NAA15: variants seen among roughly 807,000 people sequenced by gnomAD.
NAA15 encodes the protein N-alpha-acetyltransferase 15, NatA auxiliary subunit, also known as N-terminal acetyltransferase.
A neutral mutation model predicts 114.0 loss-of-function variants in NAA15; 34 were observed. The ratio of observed to expected loss-of-function variants is 0.30; its 90% CI spans 0.23 to 0.40. The LOEUF is 0.40. Ranked by LOEUF, NAA15 falls within the 10% of genes least tolerant of loss-of-function variation. NAA15 has a pLI of 1.00. For synonymous variants in NAA15, 340 were observed against 338.0 expected (o/e 1.01, Z -0.06); for missense variants, 658 against 1,004.5 (o/e 0.66, Z 4.66).
intron 2 of NAA15, among the ~76,000 whole-genome samples, chr4:139,336,591 A>AT (rs1309142486): frequency 1.3e-5 from 2 of 152,052 alleles, no homozygotes; most frequent in Non-Finnish European, 2.9e-5. Flanking sequence ...AATAGCATGC[A>AT]TTTTGTATCT....
chr4:139,352,395 C>T (rs1560970429), intron 9 of NAA15, among the ~76,000 whole-genome samples: 1 of 152,018 alleles, frequency 6.6e-6, no homozygotes, highest in East Asian at 1.9e-4. Flanking sequence ...AAGCGTGAGC[C>T]ACCGTGCCTG....
intron 1 of NAA15, among the ~76,000 whole-genome samples, chr4:139,323,257 A>G (rs1221864064): frequency 1.3e-5 from 2 of 148,920 alleles, no homozygotes; most frequent in African/African-American, 4.9e-5. Context: ...TGGTTTCACT[A>G]TGTTGGCCAG....
chr4:139,374,475 C>T (rs1027877102), intron 15 of NAA15, among the ~76,000 whole-genome samples: 3 of 152,114 alleles, frequency 2.0e-5, no homozygotes, highest in African/African-American at 7.2e-5. Flanking sequence ...TTGGTGTGAA[C>T]ATCTTGCTGT....
chr4:139,313,681 G>C (rs1227595231), intron 1 of NAA15, among the ~76,000 whole-genome samples: 1 of 151,388 alleles, frequency 6.6e-6, no homozygotes, highest in Non-Finnish European at 1.5e-5. Context: ...AGTAGCTGGG[G>C]TTACAGGCAT....
intron 9 of NAA15, 114 bp from the exon 10 acceptor site, chr4:139,353,912 G>A: frequency 1.4e-6 from 1 of 717,444 alleles, no homozygotes; most frequent in South Asian, 1.9e-5. Context: ...AATAAAGGAG[G>A]GTGTGTGTGT....
At chr4:139,320,603 C>T (rs1055324618) in intron 1 of NAA15, among the ~76,000 whole-genome samples, 2 of 152,140 alleles carry the variant, frequency 1.3e-5, no homozygotes, top group Admixed American at 6.6e-5. Flanking sequence ...TCACTGCAAC[C>T]TCCATCTCCT....
chr4:139,350,652 A>T (rs6856276), intron 7 of NAA15, among the ~76,000 whole-genome samples: 81,883 of 152,060 alleles, frequency 0.54, 24,342 homozygotes, highest in African/African-American at 0.81. Flanking sequence ...TCTCAGACTG[A>T]TTTAGGAACA....
intron 1 of NAA15, chr4:139,302,127 A>T (rs1220278255): frequency 2.9e-6 from 1 of 349,288 alleles, no homozygotes; most frequent in Non-Finnish European, 5.2e-6. Flanking sequence ...TCTGGGGGAG[A>T]AGAGGCCCGG....
intron 1 of NAA15, among the ~76,000 whole-genome samples, chr4:139,312,460 GT>G (rs1232497928): frequency 1.3e-5 from 2 of 151,814 alleles, no homozygotes; most frequent in African/African-American, 2.4e-5. Context: ...GTTGCCTGTG[GT>G]TTTTTTCCTC....
chr4:139,374,256 G>A (rs1385851308), intron 15 of NAA15, among the ~76,000 whole-genome samples: 2 of 152,204 alleles, frequency 1.3e-5, no homozygotes, highest in Non-Finnish European at 2.9e-5. Flanking sequence ...CCCATTAAGT[G>A]CAGTGCAGTC....
At chr4:139,327,510 T>A (rs955632179) in intron 1 of NAA15, among the ~76,000 whole-genome samples, 1 of 152,208 alleles carries the variant, frequency 6.6e-6, no homozygotes, top group Non-Finnish European at 1.5e-5. Flanking sequence ...CACCTTGGCC[T>A]CCCAAAGTGC....
At chr4:139,335,071 A>C (rs1729159565) in intron 2 of NAA15, among the ~76,000 whole-genome samples, 1 of 152,228 alleles carries the variant, frequency 6.6e-6, no homozygotes, top group East Asian at 1.9e-4. Flanking sequence ...AATGATCCCA[A>C]CCCTTTGGGA....
At chr4:139,339,884 G>C (rs761833135) in intron 3 of NAA15, among the ~76,000 whole-genome samples, 1 of 152,184 alleles carries the variant, frequency 6.6e-6, no homozygotes, top group Non-Finnish European at 1.5e-5. Flanking sequence ...AAGTGAAAAA[G>C]GGCTGTATTT....
intron 1 of NAA15, among the ~76,000 whole-genome samples, chr4:139,306,311 C>T (rs183061651): frequency 6.6e-6 from 1 of 152,232 alleles, no homozygotes; most frequent in Non-Finnish European, 1.5e-5. Flanking sequence ...GTGATCTTGG[C>T]TCACTGCAAC....
chr4:139,368,718 C>T (rs1307857685), intron 14 of NAA15, among the ~76,000 whole-genome samples: 9 of 151,638 alleles, frequency 5.9e-5, no homozygotes, highest in South Asian at 2.1e-4. Context: ...TTTGAGGTGG[C>T]GGGGGTGGAG....
intron 15 of NAA15, among the ~76,000 whole-genome samples, chr4:139,371,218 A>T (rs1748426474): frequency 6.6e-6 from 1 of 152,208 alleles, no homozygotes. Flanking sequence ...GAAAATTATA[A>T]TGCCAAACAA....
chr4:139,315,526 CAAT>C (rs1326247311), intron 1 of NAA15, among the ~76,000 whole-genome samples: 1 of 150,598 alleles, frequency 6.6e-6, no homozygotes, highest in East Asian at 2.0e-4. Context: ...TCAAGAACAA[CAAT>C]AACAACAACA....
rs35581039 is a variant in NAA15, at chr4:139,371,497, G to GCACACACACACACA, written c.1947+1125_1947+1138dup. Among the ~76,000 whole-genome samples the GCACACACACACACA allele has an allele frequency of 5.9e-3, 668 of 113,656 alleles. 7 individuals carry two copies. Among genetic ancestry groups the GCACACACACACACA allele is most frequent in the East Asian group, 0.014 (49 of 3,530 alleles). The allele number at this position is 113,656 out of a possible 152,430, so 74.6% of individuals were successfully genotyped here. A position where few individuals can be genotyped will look rare whatever the true frequency, so the allele number is the denominator to read the frequency against. On this transcript the variant is annotated intron_variant, in intron 15 of 19. Coordinates refer to ENST00000296543, the MANE Select transcript of NAA15 (RefSeq NM_057175.5). ...CTTAAAAAAAAAAAAAAGAAAAGTAGCACACACACACACACACACACACAC... is the reference window on the plus strand; with the variant it reads ...CTTAAAAAAAAAAAAAAGAAAAGTAGCACACACACACACACACACACACACACACACACACACAC...
chr4:139,306,177 T>G (rs746951523), intron 1 of NAA15, among the ~76,000 whole-genome samples: 12 of 152,226 alleles, frequency 7.9e-5, no homozygotes, highest in Non-Finnish European at 1.2e-4. Context: ...TGTTTCTTGC[T>G]GATAATTTGT....
Sources: allele counts gnomAD v4.1 joint callset (sites outside exome capture counted in the v4.1 genomes callset), GRCh38; gene constraint gnomAD v4.1.1; transcripts MANE v1.5; gene names NCBI Gene and HGNC (gene_info 2026-07-23, HGNC 2026-07-21).